The following ARSG variants were observed in gnomAD, a reference collection of about 807,000 sequenced individuals.
ARSG encodes arylsulfatase G, also known as ASG.
ARSG carries 37 observed loss-of-function variants against 50.5 expected under a neutral mutation model. That is an observed-to-expected ratio of 0.73 (90% CI 0.56 to 0.96). The LOEUF (loss-of-function observed/expected upper bound fraction) is 0.96. Ranked by LOEUF, ARSG falls within the 50% of genes least tolerant of loss-of-function variation. The pLI is 0.00. For synonymous variants in ARSG, 225 were observed against 254.6 expected (o/e 0.88, Z 1.11); for missense variants, 629 against 675.3 (o/e 0.93, Z 0.76).
chr17:68,412,536 C>G (rs2147384106), intron 11 of ARSG, among the ~76,000 whole-genome samples: 1 of 152,324 alleles, frequency 6.6e-6, no homozygotes, highest in East Asian at 1.9e-4. Context: ...TGACCTTTCT[C>G]TCTGGCTGCC....
chr17:68,407,045 T>C (rs375336522), intron 11 of ARSG, among the ~76,000 whole-genome samples: 1 of 152,210 alleles, frequency 6.6e-6, no homozygotes, highest in Admixed American at 6.5e-5. Flanking sequence ...TTGATTTTTG[T>C]ATAAGGTGAG....
downstream of ARSG, chr17:68,426,249 C>CGGGGGGGGG: frequency 1.3e-6 from 1 of 776,014 alleles, no homozygotes; most frequent in Non-Finnish European, 1.9e-6. Flanking sequence ...GGGTGGGGAG[C>CGGGGGGGGG]GGGGGCTCAA....
intron 1 of ARSG, among the ~76,000 whole-genome samples, chr17:68,282,260 A>C (rs543322971): frequency 2.4e-4 from 36 of 152,166 alleles, no homozygotes; most frequent in Admixed American, 1.9e-3. Context: ...GACAAAAAAA[A>C]CAAACACCAC....
chr17:68,406,191 C>A (rs1363222784), intron 11 of ARSG, among the ~76,000 whole-genome samples: 1 of 152,122 alleles, frequency 6.6e-6, no homozygotes, highest in Non-Finnish European at 1.5e-5. Flanking sequence ...AGCCTCCAGT[C>A]TCACCCAGGT....
intron 6 of ARSG, chr17:68,359,464 A>C (rs1252455668): frequency 6.6e-6 from 1 of 152,104 alleles, no homozygotes; most frequent in Non-Finnish European, 1.5e-5. Context: ...GACCCCATAT[A>C]TGTTCATCTT....
chr17:68,270,732 A>G (rs537535884), intron 1 of ARSG: 3 of 962,480 alleles, frequency 3.1e-6, no homozygotes, highest in East Asian at 2.6e-5. Context: ...CTAAAATTCA[A>G]TGGAAATATA....
chr17:68,431,861 C>G, the ARSG span, among the ~76,000 whole-genome samples: 128,475 of 151,914 alleles, frequency 0.85, 54,471 homozygotes, highest in Admixed American at 0.88. Context: ...AGTGGAAAAT[C>G]AATCTCTGAT....
chr17:68,450,820 G>A, the ARSG span: 372 of 1,614,148 alleles, frequency 2.3e-4, 8 homozygotes, highest in South Asian at 3.5e-3. Flanking sequence ...TTCATCTGCC[G>A]TGGTTTTGTG....
intron 1 of ARSG, among the ~76,000 whole-genome samples, chr17:68,294,387 G>C (rs371232430): frequency 6.6e-6 from 1 of 152,136 alleles, no homozygotes; most frequent in African/African-American, 2.4e-5. Flanking sequence ...TCAAGTCTTC[G>C]TGTTGGGTTG....
At chr17:68,330,628 A>G (rs1462338470) in intron 2 of ARSG, among the ~76,000 whole-genome samples, 1 of 152,164 alleles carries the variant, frequency 6.6e-6, no homozygotes, top group African/African-American at 2.4e-5. Flanking sequence ...GTATAGGAAT[A>G]GCTGGTATGT....
chr17:68,283,384 G>A (rs960985250), intron 1 of ARSG, among the ~76,000 whole-genome samples: 3 of 152,124 alleles, frequency 2.0e-5, no homozygotes, highest in East Asian at 1.9e-4. Flanking sequence ...AGCCAGGCGT[G>A]GTGGCGGGCG....
intron 11 of ARSG, among the ~76,000 whole-genome samples, chr17:68,418,201 C>T (rs559135298): frequency 2.6e-5 from 4 of 152,230 alleles, no homozygotes; most frequent in South Asian, 2.1e-4. Context: ...TTTCTGTTAC[C>T]TGAGAGTGTT....
chr17:68,262,379 G>A (rs1259199320), intron 1 of ARSG, among the ~76,000 whole-genome samples: 7 of 152,110 alleles, frequency 4.6e-5, no homozygotes, highest in Non-Finnish European at 8.8e-5. Flanking sequence ...GCTGAGGCAG[G>A]AGAATTGCTT....
chr17:68,274,125 G>C, intron 1 of ARSG: 1 of 1,570,776 alleles, frequency 6.4e-7, no homozygotes, highest in Non-Finnish European at 8.7e-7. Flanking sequence ...AGGGTTAGCT[G>C]CCATAAGACT....
At chr17:68,426,584 G>A (rs551184667), downstream of ARSG, among the ~76,000 whole-genome samples, 113 of 152,320 alleles carry the variant, frequency 7.4e-4, no homozygotes, top group African/African-American at 2.4e-3. Context: ...CCAGGCTGGA[G>A]TGCAGTGGTA....
intron 7 of ARSG, among the ~76,000 whole-genome samples, chr17:68,369,927 G>T (rs2146726923): frequency 6.6e-6 from 1 of 152,302 alleles, no homozygotes; most frequent in Non-Finnish European, 1.5e-5. Context: ...GCAGGAAAAG[G>T]CCACCTGTCT....
chr17:68,372,320 A>C (rs541286502), intron 8 of ARSG, among the ~76,000 whole-genome samples: 1 of 152,204 alleles, frequency 6.6e-6, no homozygotes, highest in Non-Finnish European at 1.5e-5. Flanking sequence ...AAACACCAAT[A>C]CTCCAAGAGA....
intron 1 of ARSG, among the ~76,000 whole-genome samples, chr17:68,303,937 C>T (rs1449564213): frequency 4.6e-5 from 7 of 152,178 alleles, no homozygotes; most frequent in African/African-American, 1.4e-4. Flanking sequence ...TGGCTAGATT[C>T]GCTTATTTCC....
intron 1 of ARSG, among the ~76,000 whole-genome samples, chr17:68,260,958 T>C (rs1202934476): frequency 6.6e-6 from 1 of 152,242 alleles, no homozygotes; most frequent in Non-Finnish European, 1.5e-5. Context: ...TTCATCCCAC[T>C]GTTTTCTTTA....
Sources: gnomAD v4.1 joint callset for allele counts (sites outside exome capture counted in the v4.1 genomes callset) on GRCh38, gnomAD v4.1.1 for gene constraint, MANE v1.5 for transcripts, NCBI Gene and HGNC (gene_info 2026-07-23, HGNC 2026-07-21) for gene names.